PSIP1: variants seen among roughly 807,000 people sequenced by gnomAD.
The protein encoded by PSIP1 is PC4 and SRSF1 interacting protein 1, also known as PC4 and SFRS1-interacting protein.
PSIP1 carries 19 observed loss-of-function variants against 74.7 expected under a neutral mutation model. The observed-to-expected ratio is 0.25, with a 90% CI of 0.18 to 0.37. The LOEUF is 0.37. PSIP1 is among the 10% of genes least tolerant of loss of function. PSIP1 has a pLI of 1.00. For synonymous variants in PSIP1, 222 were observed against 195.3 expected (o/e 1.14, Z -1.14); for missense variants, 601 against 614.3 (o/e 0.98, Z 0.23).
chr9:15,478,262 T>C (rs934407097), intron 8 of PSIP1, among the ~76,000 whole-genome samples: 3 of 152,028 alleles, frequency 2.0e-5, no homozygotes, highest in African/African-American at 4.8e-5. Flanking sequence ...TATAAATTGA[T>C]ATACCCAAGA....
chr9:15,466,995 C>T (rs1381602298), intron 14 of PSIP1, 136 bp from the exon 15 acceptor site: 2 of 662,022 alleles, frequency 3.0e-6, no homozygotes, highest in Admixed American at 6.1e-5. Context: ...TTTGAAATTA[C>T]ATTGTAATAC....
At chr9:15,500,575 CAGA>C (rs2037295215) in intron 3 of PSIP1, among the ~76,000 whole-genome samples, 1 of 152,116 alleles carries the variant, frequency 6.6e-6, no homozygotes, top group Admixed American at 6.6e-5. Context: ...GAAACTTGTA[CAGA>C]AGAACTAGTG....
chr9:15,486,773 T>G (rs1186794104), intron 5 of PSIP1, 54 bp downstream of exon 5: 2 of 1,288,892 alleles, frequency 1.6e-6, no homozygotes, highest in Non-Finnish European at 2.2e-6. Flanking sequence ...CTCATTTCAT[T>G]ATTTCTTCCT....
At chr9:15,488,652 C>T (rs564988148) in intron 4 of PSIP1, among the ~76,000 whole-genome samples, 4 of 152,166 alleles carry the variant, frequency 2.6e-5, no homozygotes, top group East Asian at 1.9e-4. Context: ...TTTGGGAAGC[C>T]GAGGTGGGCA....
chr9:15,467,222 C>T (rs996712718), intron 14 of PSIP1, among the ~76,000 whole-genome samples: 5 of 152,124 alleles, frequency 3.3e-5, no homozygotes, highest in African/African-American at 9.7e-5. Context: ...TATTCTACCA[C>T]GGAAAAGCAA....
rs1563881836 is a variant in PSIP1, at chr9:15,485,988, G to C, written c.456+18C>G. On this transcript the variant is annotated intron_variant, in intron 6 of 15. Transcript: ENST00000380733. ...AATTCTTTTCAGATCCCCATGGTTG[G>C]TAAGTCAGTGAAATTACCTTTCTCT... The C allele has an allele frequency of 6.3e-7, 1 of 1,583,770 alleles. No individual in the cohort carries two copies. The highest frequency in any genetic ancestry group is 1.7e-5 in the Admixed American group (1 of 59,308).
chr9:15,477,639 T>C (rs1452406032), intron 8 of PSIP1, among the ~76,000 whole-genome samples: 3 of 151,948 alleles, frequency 2.0e-5, no homozygotes, highest in African/African-American at 7.3e-5. Flanking sequence ...TCTCTATTCC[T>C]TCTGGCAAAG....
In PSIP1 at chr9:15,510,785, G is replaced by C. The variant is rs2037835599; in HGVS notation, c.-142+32C>G. On this transcript the variant is annotated intron_variant, in intron 1 of 15. Transcript: ENST00000380733. Reference sequence around the variant, plus strand: ...CAGCCAGGAGCGACGCCACCGAGGGGGGGGCGGGGCGAGTCCCCGTCGCCC... The same window carrying C: ...CAGCCAGGAGCGACGCCACCGAGGGCGGGGCGGGGCGAGTCCCCGTCGCCC... 3 of 152,148 alleles carry C rather than the reference G, an allele frequency of 2.0e-5. No homozygotes were observed. The South Asian group carries it at 6.2e-4, about 32-fold the overall frequency. The allele number at this position is 152,148 out of a possible 1,614,324, so 9.4% of individuals were successfully genotyped here. A position where few individuals can be genotyped will look rare whatever the true frequency, so the allele number is the denominator to read the frequency against.
chr9:15,510,079 G>A (rs2037785653), intron 2 of PSIP1, 38 bp downstream of exon 2: 2 of 1,576,124 alleles, frequency 1.3e-6, no homozygotes, highest in African/African-American at 1.4e-5. Context: ...TGGAGAGGAG[G>A]GTAGCACTGC....
At chr9:15,492,587 T>G (rs1487772633) in intron 3 of PSIP1, among the ~76,000 whole-genome samples, 6 of 152,150 alleles carry the variant, frequency 3.9e-5, no homozygotes, top group Admixed American at 6.5e-5. Context: ...GATGGTGGCC[T>G]TCTTCTCACA....
chr9:15,504,958 C>CTTTTTTT (rs761643860), intron 3 of PSIP1: 1 of 126,384 alleles, frequency 7.9e-6, no homozygotes, highest in African/African-American at 3.0e-5. Flanking sequence ...GGCCTAAGAA[C>CTTTTTTT]TTTTTTTTTT....
rs185231901 is a variant in PSIP1 at position 15,485,095 on chromosome 9, A to T, written c.456+911T>A. Among the ~76,000 whole-genome samples, 64 of 152,208 alleles carry T rather than the reference A, an allele frequency of 4.2e-4. 1 individual carries two copies. The highest frequency in any genetic ancestry group is 1.9e-3 in the Admixed American group (29 of 15,282). On this transcript the variant is annotated intron_variant, in intron 6 of 15. Coordinates refer to ENST00000380733, the MANE Select transcript of PSIP1 (RefSeq NM_033222.5). ...GCATGAGACCCCATCTCTTAAAAAA[A>T]TTTTTTAAAAGGAGGTATCTAAAAT...
intron 3 of PSIP1, among the ~76,000 whole-genome samples, chr9:15,491,235 T>C (rs1258728229): frequency 1.3e-5 from 2 of 152,210 alleles, no homozygotes; most frequent in South Asian, 2.1e-4. Flanking sequence ...AAGAACACTT[T>C]AGCATTATGC....
rs1160042744 is a variant in PSIP1 at position 15,471,548 on chromosome 9, TAG to T, written c.977+1082_977+1083del. ...GTCCAACAGCTTTTCAGTGAAAAGA[TAG>T]AATAGAAAATGATAGGTGACAAAGA... is the stretch of plus-strand genomic sequence containing the variant. On this transcript the variant is annotated intron_variant, in intron 10 of 15. Transcript: ENST00000380733. 4.1e-6 allele frequency: 4 copies of T among 972,042 alleles called. No individual in the cohort carries two copies. In the East Asian group the frequency reaches 4.6e-4, roughly 111 times the overall value. 60.2% of individuals were successfully genotyped at this position (972,042 alleles called of 1,614,324 possible). A position where few individuals can be genotyped will look rare whatever the true frequency, so the allele number is the denominator to read the frequency against.
chr9:15,488,807 G>A (rs1337795369), intron 4 of PSIP1, among the ~76,000 whole-genome samples: 1 of 151,948 alleles, frequency 6.6e-6, no homozygotes, highest in South Asian at 2.1e-4. Context: ...GGATCACAAG[G>A]TCAGGAGATC....
intron 6 of PSIP1, among the ~76,000 whole-genome samples, chr9:15,485,459 G>T (rs970116534): frequency 6.6e-6 from 1 of 152,004 alleles, no homozygotes; most frequent in Non-Finnish European, 1.5e-5. Flanking sequence ...TTGCATCTTT[G>T]GTATATGATA....
chr9:15,486,086 A>G lies in PSIP1; in HGVS notation c.394-18T>C. The G allele has an allele frequency of 6.4e-7, 1 of 1,561,106 alleles. No individual in the cohort carries two copies. Among genetic ancestry groups the G allele is most frequent in the Non-Finnish European group, 8.8e-7 (1 of 1,140,322 alleles). On this transcript the variant is annotated intron_variant, in intron 5 of 15. Transcript: ENST00000380733. ...GTCACATCCTAAAAAAGAAAAAAGA[A>G]AACTGAATACTGAATAAATTATTCC...
intron 15 of PSIP1, 116 bp downstream of exon 15, chr9:15,466,632 G>A: frequency 1.4e-6 from 1 of 724,344 alleles, no homozygotes; most frequent in Non-Finnish European, 2.1e-6. Context: ...CTGAATTCAG[G>A]AATTGGGTGA....
At chr9:15,468,393 T>C (rs761007668) in intron 14 of PSIP1, 2 of 711,782 alleles carry the variant, frequency 2.8e-6, no homozygotes, top group African/African-American at 3.6e-5. Context: ...CAGAGTCATC[T>C]GCCTCATGAG....
Sources: gnomAD v4.1 joint callset for allele counts (sites outside exome capture counted in the v4.1 genomes callset) on GRCh38, gnomAD v4.1.1 for gene constraint, MANE v1.5 for transcripts, NCBI Gene and HGNC (gene_info 2026-07-23, HGNC 2026-07-21) for gene names.